ASZ1: variants seen among roughly 807,000 people sequenced by gnomAD.
ASZ1 encodes the protein ankyrin repeat, SAM and basic leucine zipper domain-containing protein 1.
Under a neutral mutation model 61.8 loss-of-function variants are expected in ASZ1, and 67 were observed. That is an observed-to-expected ratio of 1.08 (90% CI 0.89 to 1.33). The LOEUF (loss-of-function observed/expected upper bound fraction) is 1.33. Among genes scored for constraint, ASZ1 ranks in the 40% most tolerant of loss-of-function variants. The pLI is 0.00. For missense variants in ASZ1, 577 were observed against 554.5 expected (o/e 1.04, Z -0.41); for synonymous variants, 193 against 192.7 (o/e 1.00, Z -0.01).
At chr7:117,368,965 A>G (rs546187042) in intron 10 of ASZ1, among the ~76,000 whole-genome samples, 3 of 152,206 alleles carry the variant, frequency 2.0e-5, no homozygotes, top group Non-Finnish European at 4.4e-5. Context: ...TATTCACAGG[A>G]ACACATGAAG....
At chr7:117,382,522 G>T (rs1371119299) in intron 7 of ASZ1, among the ~76,000 whole-genome samples, 2 of 151,284 alleles carry the variant, frequency 1.3e-5, no homozygotes, top group Non-Finnish European at 3.0e-5. Flanking sequence ...AACAAAAAAT[G>T]AAAAAAAACC....
At chr7:117,404,167 G>T (rs4730781) in intron 4 of ASZ1, among the ~76,000 whole-genome samples, 139,849 of 152,094 alleles carry the variant, frequency 0.92, 64,490 homozygotes, top group East Asian at 1. Flanking sequence ...ATCACTGTTT[G>T]TACTGGGATT....
chr7:117,418,839 T>C (rs1314257625), intron 4 of ASZ1, among the ~76,000 whole-genome samples: 1 of 151,770 alleles, frequency 6.6e-6, no homozygotes, highest in Non-Finnish European at 1.5e-5. Flanking sequence ...TGTGTGCCTG[T>C]AGTCCCAGCT....
At chr7:117,424,572 A>T (rs1328459164) in intron 2 of ASZ1, among the ~76,000 whole-genome samples, 2 of 152,220 alleles carry the variant, frequency 1.3e-5, no homozygotes, top group East Asian at 3.8e-4. Flanking sequence ...ACTTAGCAGT[A>T]GGCTCTGTTC....
intron 4 of ASZ1, among the ~76,000 whole-genome samples, chr7:117,407,648 T>A (rs1413415624): frequency 6.6e-6 from 1 of 152,222 alleles, no homozygotes; most frequent in Non-Finnish European, 1.5e-5. Flanking sequence ...GTAAATGTGA[T>A]CTTTCTCTCA....
At chr7:117,423,612 GA>G (rs1797140328) in intron 2 of ASZ1, among the ~76,000 whole-genome samples, 1 of 148,784 alleles carries the variant, frequency 6.7e-6, no homozygotes, top group Non-Finnish European at 1.5e-5. Flanking sequence ...TTGGGATGCC[GA>G]AGTGGGTGGA....
chr7:117,401,399 A>G (rs1169491347), intron 4 of ASZ1, among the ~76,000 whole-genome samples: 3 of 151,754 alleles, frequency 2.0e-5, no homozygotes, highest in Non-Finnish European at 2.9e-5. Context: ...TTTTTTAAAA[A>G]AAAAGACCAA....
intron 10 of ASZ1, 26 bp downstream of exon 10, chr7:117,379,912 A>C: frequency 1.4e-6 from 2 of 1,404,112 alleles, no homozygotes; most frequent in Middle Eastern, 3.9e-4. Flanking sequence ...CACTATTAAT[A>C]ATATAAACAA....
At chr7:117,368,843 C>T (rs1253388616) in intron 10 of ASZ1, 126 bp from the exon 11 acceptor site, 2 of 1,493,120 alleles carry the variant, frequency 1.3e-6, no homozygotes, top group Non-Finnish European at 1.8e-6. Context: ...CATGGAATAG[C>T]TAATACAGAT....
At chr7:117,389,599 C>T (rs1796424076) in intron 4 of ASZ1, among the ~76,000 whole-genome samples, 1 of 152,124 alleles carries the variant, frequency 6.6e-6, no homozygotes, top group Non-Finnish European at 1.5e-5. Context: ...AGTTAACCTA[C>T]CACTACCAGG....
At chr7:117,404,215 G>C (rs182348260) in intron 4 of ASZ1, among the ~76,000 whole-genome samples, 1 of 152,192 alleles carries the variant, frequency 6.6e-6, no homozygotes, top group South Asian at 2.1e-4. Flanking sequence ...AAAGGGGTTA[G>C]TGCCTGCCAT....
At chr7:117,401,392 TTTA>T (rs1479943698) in intron 4 of ASZ1, among the ~76,000 whole-genome samples, 1 of 150,228 alleles carries the variant, frequency 6.7e-6, no homozygotes, top group African/African-American at 2.5e-5. Context: ...TTTTTTTTTT[TTTA>T]AAAAAAAAGA....
intron 5 of ASZ1, among the ~76,000 whole-genome samples, chr7:117,385,163 A>G (rs1562850019): frequency 6.6e-6 from 1 of 152,054 alleles, no homozygotes; most frequent in Non-Finnish European, 1.5e-5. Context: ...ATTCTTATGT[A>G]TATTTTAGAG....
At position 117,427,488 on chromosome 7, in the gene ASZ1, CCG is replaced by C; in HGVS notation, c.-30_-29del. On this transcript the variant is annotated 5_prime_UTR_variant, in exon 1 of 13. Transcript: ENST00000284629. ...CAGCCAAGGAAGCTCCCTGTCGGCA[CCG>C]CGCGCCCTTCAGCTCTCCGGGCGCA... The C allele has an allele frequency of 1.9e-6, 3 of 1,610,884 alleles. No homozygotes were observed. Among genetic ancestry groups the C allele is most frequent in the Non-Finnish European group, 2.5e-6 (3 of 1,177,686 alleles).
At chr7:117,383,625 T>C (rs1369655688) in intron 6 of ASZ1, among the ~76,000 whole-genome samples, 2 of 151,950 alleles carry the variant, frequency 1.3e-5, no homozygotes, top group East Asian at 3.9e-4. Context: ...TATGGTGAAA[T>C]TCCTGAGTTT....
At chr7:117,425,302 G>C (rs1465517879) in intron 2 of ASZ1, among the ~76,000 whole-genome samples, 7 of 94,334 alleles carry the variant, frequency 7.4e-5, no homozygotes, top group Admixed American at 1.8e-4. Flanking sequence ...GTCTCGCTTT[G>C]TCGCCCAGGC....
intron 12 of ASZ1, among the ~76,000 whole-genome samples, chr7:117,364,933 TAA>T (rs1250659429): frequency 6.6e-6 from 1 of 152,020 alleles, no homozygotes; most frequent in African/African-American, 2.4e-5. Flanking sequence ...GATGTGGTGT[TAA>T]AGTCTAGCCT....
chr7:117,403,299 C>G (rs987415249), intron 4 of ASZ1, among the ~76,000 whole-genome samples: 2 of 152,004 alleles, frequency 1.3e-5, no homozygotes, highest in Non-Finnish European at 2.9e-5. Context: ...TTGCACAGGC[C>G]ATACAGGGTT....
At chr7:117,395,405 C>G (rs541812347) in intron 4 of ASZ1, among the ~76,000 whole-genome samples, 7 of 152,220 alleles carry the variant, frequency 4.6e-5, no homozygotes, top group African/African-American at 1.7e-4. Context: ...TCAAAACAAT[C>G]TGTTTGGCAC....
Sources: gnomAD v4.1 joint callset for allele counts (sites outside exome capture counted in the v4.1 genomes callset) on GRCh38, gnomAD v4.1.1 for gene constraint, MANE v1.5 for transcripts, NCBI Gene and HGNC (gene_info 2026-07-23, HGNC 2026-07-21) for gene names.